Variants in PTCD2 observed in about 807,000 individuals in gnomAD.
PTCD2 encodes pentatricopeptide repeat domain 2.
PTCD2 carries 31 observed loss-of-function variants against 42.6 expected under a neutral mutation model. The observed-to-expected ratio is 0.73, with a 90% CI of 0.55 to 0.98. The LOEUF (loss-of-function observed/expected upper bound fraction) is 0.98, where lower values mean the gene tolerates loss of function less well. Ranked by LOEUF, PTCD2 falls within the 50% of genes least tolerant of loss-of-function variation. PTCD2 has a pLI of 0.00. For synonymous variants in PTCD2, 183 were observed against 170.9 expected, an observed-to-expected ratio of 1.07 and a Z score of -0.55; for missense variants, 476 against 454.8, an observed-to-expected ratio of 1.05 and a Z score of -0.42.
intron 8 of PTCD2, among the ~76,000 whole-genome samples, chr5:72,349,970 T>C (rs1177146058): frequency 6.6e-6 from 1 of 152,184 alleles, no homozygotes; most frequent in Non-Finnish European, 1.5e-5. Context: ...TATTGAAATC[T>C]CCCAGGGAGC....
rs373252535 is a variant in PTCD2, at chr5:72,331,289, G to A, written c.382G>A (p.Gly128Arg). Residue 128 changes from glycine (G) to arginine (R), a missense_variant, in exon 4 of 10, where the codon GGG becomes AGG. Transcript: ENST00000380639. ...YHAENKNFTL[G>R]EYKFGPLFVR... ...TGCAGAGAACAAAAATTTCACTTTG[G>A]GGGAGTATAAATTTGGACCGCTTTT... 1 of 1,613,800 alleles carries A rather than the reference G, an allele frequency of 6.2e-7. No individual in the cohort carries two copies. Among genetic ancestry groups the A allele is most frequent in the African/African-American group, 1.3e-5 (1 of 75,018 alleles).
chr5:72,345,958 A>G (rs948713799), intron 8 of PTCD2, among the ~76,000 whole-genome samples: 1 of 152,210 alleles, frequency 6.6e-6, no homozygotes, highest in Non-Finnish European at 1.5e-5. Flanking sequence ...AGTTCTGCCC[A>G]TAGTAGTTAT....
chr5:72,329,013 C>T (rs1392388), intron 3 of PTCD2, among the ~76,000 whole-genome samples: 149,408 of 152,356 alleles, frequency 0.98, 73,268 homozygotes, highest in East Asian at 1. Context: ...AACTTAATTC[C>T]GTATTTCAGT....
chr5:72,332,513 T>C (rs1318956188), intron 4 of PTCD2, among the ~76,000 whole-genome samples: 2 of 145,416 alleles, frequency 1.4e-5, no homozygotes, highest in Non-Finnish European at 3.1e-5. Context: ...CTTTATACAT[T>C]TTTGTATTAT....
intron 3 of PTCD2, among the ~76,000 whole-genome samples, chr5:72,327,102 CCTCTTTACTCTCATGTCATTTGCCT>C: frequency 6.6e-6 from 1 of 152,182 alleles, no homozygotes; most frequent in Admixed American, 6.5e-5. Flanking sequence ...TATTTTGGAG[CCTCTTTACTCTCATGTCATTTGCCT>C]CTCTTTCCTG....
chr5:72,356,514 G>GA (rs1752881874), intron 9 of PTCD2, among the ~76,000 whole-genome samples: 1 of 152 alleles, frequency 6.6e-3, no homozygotes, highest in South Asian at 0.1. Flanking sequence ...ATTTTACAAA[G>GA]TGCATTTAAT....
intron 9 of PTCD2, among the ~76,000 whole-genome samples, chr5:72,354,141 C>A (rs986110133): frequency 1.4e-4 from 22 of 152,050 alleles, no homozygotes; most frequent in African/African-American, 5.3e-4. Context: ...TGCGGTGGCT[C>A]ATGCCTATAA....
chr5:72,326,757 A>G lies in PTCD2; in HGVS notation c.350+16A>G. 1.9e-6 allele frequency: 3 copies of G among 1,612,748 alleles called. No homozygotes were observed. Among genetic ancestry groups the G allele is most frequent in the Non-Finnish European group, 2.5e-6 (3 of 1,179,184 alleles). On this transcript the variant is annotated intron_variant, in intron 3 of 9. Transcript: ENST00000380639. ...TCATTTACAGGTGAGGCATTTCCTT[A>G]GAATGTTGCCACCCTTATCCCTTCT... is the stretch of plus-strand genomic sequence containing the variant.
chr5:72,342,816 A>G (rs924626318), intron 7 of PTCD2, 146 bp from the exon 8 acceptor site: 7 of 411,596 alleles, frequency 1.7e-5, no homozygotes, highest in African/African-American at 4.1e-5. Flanking sequence ...TGGAATGTTT[A>G]GTTTTGATTT....
At chr5:72,321,500 A>G (rs940171538) in intron 1 of PTCD2, 11 of 152,174 alleles carry the variant, frequency 7.2e-5, no homozygotes, top group African/African-American at 2.7e-4. Context: ...AGCAACTTTT[A>G]TTGTTACCTT....
intron 7 of PTCD2, among the ~76,000 whole-genome samples, chr5:72,342,626 TC>T (rs1752131223): frequency 6.6e-6 from 1 of 152,216 alleles, no homozygotes; most frequent in Non-Finnish European, 1.5e-5. Context: ...GCTTGAGGTT[TC>T]TATGTTCTAA....
intron 8 of PTCD2, among the ~76,000 whole-genome samples, chr5:72,344,363 T>C (rs1752240115): frequency 6.6e-6 from 1 of 152,046 alleles, no homozygotes; most frequent in African/African-American, 2.4e-5. Context: ...ATACAAAAAA[T>C]TAGCCAGGCA....
intron 3 of PTCD2, among the ~76,000 whole-genome samples, chr5:72,330,598 A>T (rs1385713393): frequency 6.6e-6 from 1 of 152,230 alleles, no homozygotes; most frequent in Admixed American, 6.5e-5. Context: ...GTAAATTTAC[A>T]GTAGTGATAT....
rs752010251 is a variant in PTCD2, at chr5:72,363,447, T to G, written c.*5020T>G. ...AATAGTTGGTATAACAGAAAGCTTG[T>G]GTGTCTTGTGTGTCTATGTGGACAG... On this transcript the variant is annotated 3_prime_UTR_variant, in exon 10 of 10. Transcript: ENST00000380639. 6.6e-5 allele frequency: 10 copies of G among 152,254 alleles called. No individual in the cohort carries two copies. Among genetic ancestry groups the G allele is most frequent in the Non-Finnish European group, 1.5e-4 (10 of 68,050 alleles). 9.4% of individuals were successfully genotyped at this position (152,254 alleles called of 1,614,324 possible). A position where few individuals can be genotyped will look rare whatever the true frequency, so the allele number is the denominator to read the frequency against.
In PTCD2 at chr5:72,362,327, G is replaced by A. The variant is rs988741063; in HGVS notation, c.*3900G>A. ...AATTTGGTCACCCCTTCCTTTAAGC[G>A]AGGTCATGGCAAAAAGACGCTGTCT... On this transcript the variant is annotated 3_prime_UTR_variant, in exon 10 of 10. Coordinates refer to ENST00000380639, the MANE Select transcript of PTCD2 (RefSeq NM_024754.5). The A allele has an allele frequency of 7.2e-5, 11 of 152,156 alleles. No homozygotes were observed. Among genetic ancestry groups the A allele is most frequent in the African/African-American group, 2.2e-4 (9 of 41,420 alleles). The allele number at this position is 152,156 out of a possible 1,614,324, so 9.4% of individuals were successfully genotyped here. A position where few individuals can be genotyped will look rare whatever the true frequency, so the allele number is the denominator to read the frequency against.
intron 9 of PTCD2, among the ~76,000 whole-genome samples, chr5:72,353,952 A>G (rs1752740667): frequency 6.6e-6 from 1 of 152,250 alleles, no homozygotes; most frequent in African/African-American, 2.4e-5. Context: ...CTTAGCTTTC[A>G]GTCAAAATCC....
rs1225419031 is a variant in PTCD2 at position 72,362,039 on chromosome 5, G to A, written c.*3612G>A. On this transcript the variant is annotated 3_prime_UTR_variant, in exon 10 of 10. Transcript: ENST00000380639. ...CTGGGTGCCTAGCATGGTAGGGGAT[G>A]TATCAGAGGATTAGTACTTATTTAA... 2 of 152,224 alleles carry A rather than the reference G, an allele frequency of 1.3e-5. No individual in the cohort carries two copies. The highest frequency in any genetic ancestry group is 3.8e-4 in the East Asian group (2 of 5,200). 9.4% of individuals were successfully genotyped at this position (152,224 alleles called of 1,614,324 possible).
intron 2 of PTCD2, among the ~76,000 whole-genome samples, chr5:72,323,850 T>A (rs546769107): frequency 1.3e-5 from 2 of 152,230 alleles, no homozygotes; most frequent in East Asian, 3.9e-4. Flanking sequence ...GGTCTCACTG[T>A]GTTGAGGCTG....
At chr5:72,337,786 C>CT (rs1347160358) in intron 6 of PTCD2, among the ~76,000 whole-genome samples, 1 of 152,164 alleles carries the variant, frequency 6.6e-6, no homozygotes, top group Non-Finnish European at 1.5e-5. Flanking sequence ...GAGCGAGACT[C>CT]TGTCTCAAAA....
Sources: gnomAD v4.1 joint callset for allele counts (sites outside exome capture counted in the v4.1 genomes callset) on GRCh38, gnomAD v4.1.1 for gene constraint, MANE v1.5 for transcripts, NCBI Gene and HGNC (gene_info 2026-07-23, HGNC 2026-07-21) for gene names.